Variants in GUCY2C observed in about 807,000 individuals in gnomAD.
GUCY2C encodes the protein guanylate cyclase 2C, also known as guanylyl cyclase C.
A neutral mutation model predicts 131.1 loss-of-function variants in GUCY2C; 118 were observed. The observed-to-expected ratio is 0.90, with a 90% confidence interval of 0.78 to 1.05. GUCY2C has a LOEUF of 1.05. Among genes scored for constraint, GUCY2C ranks in the 50% least tolerant of loss-of-function variants. The pLI, the probability that GUCY2C is intolerant of heterozygous loss-of-function variation, is 0.00. For synonymous variants in GUCY2C, 452 were observed against 457.8 expected (o/e 0.99, Z 0.16); for missense variants, 1,161 against 1,304.4 (o/e 0.89, Z 1.69).
Position 14,686,166 on chromosome 12 carries a change from C to T in GUCY2C, c.390G>A (p.Gln130=), listed in dbSNP as rs776094438. 40 of 1,588,428 alleles carry T rather than the reference C, an allele frequency of 2.5e-5. No individual in the cohort carries two copies. The highest frequency in any genetic ancestry group is 3.1e-5 in the Non-Finnish European group (36 of 1,156,936). Reference sequence around the variant, plus strand: ...TTCACAGTAGTATTACTTACTACATCTGGAAGGTGGAGTATGTACATGAGG... The same window carrying T: ...TTCACAGTAGTATTACTTACTACATTTGGAAGGTGGAGTATGTACATGAGG... ...IGPSCTYSTF[Q]MYLDTELSYP... The change falls in exon 3 of 27, where the codon CAG becomes CAA. Residue 130 remains glutamine, a synonymous_variant. Transcript: ENST00000261170.
intron 10 of GUCY2C, among the ~76,000 whole-genome samples, chr12:14,667,886 G>A (rs1948013754): frequency 6.6e-6 from 1 of 150,672 alleles, no homozygotes; most frequent in Non-Finnish European, 1.5e-5. Flanking sequence ...ATAAGAAGCT[G>A]TACTTTTCTA....
In GUCY2C at chr12:14,672,876, C is replaced by CT; in HGVS notation, c.1166dup (p.Lys390GlufsTer9). The CT allele has an allele frequency of 6.3e-7, 1 of 1,579,488 alleles. No homozygotes were observed. The highest frequency in any genetic ancestry group is 1.7e-5 in the Admixed American group (1 of 59,866). ...TCTGATAAGCAGTGAGACATACTTT[C>CT]TTGGTGTCCACAGAGGTATACAGAA... is the stretch of plus-strand genomic sequence containing the variant. On this transcript the variant is annotated frameshift_variant, in exon 9 of 27. Coordinates refer to ENST00000261170, the MANE Select transcript of GUCY2C (RefSeq NM_004963.4). LOFTEE classifies it high-confidence loss of function.
chr12:14,681,346 G>A lies in GUCY2C; in HGVS notation c.733+10C>T. On this transcript the variant is annotated intron_variant, in intron 5 of 26. Transcript: ENST00000261170. Reference sequence around the variant, plus strand: ...GTTAGCAAAAAACAATTATCTTCATGTCTTCTTACCATTGCTTTTCCTGTT... The same window carrying A: ...GTTAGCAAAAAACAATTATCTTCATATCTTCTTACCATTGCTTTTCCTGTT... 6.2e-7 allele frequency: 1 copy of A among 1,610,912 alleles called. No homozygotes were observed. Among genetic ancestry groups the A allele is most frequent in the Non-Finnish European group, 8.5e-7 (1 of 1,177,816 alleles).
chr12:14,616,852 T>A (rs1478826727), intron 24 of GUCY2C, 125 bp from the exon 25 acceptor site: 2 of 679,260 alleles, frequency 2.9e-6, no homozygotes, highest in Non-Finnish European at 5.4e-6. Context: ...ATTGTGGCTA[T>A]TTTAATGAAA....
At chr12:14,643,811 A>T in intron 16 of GUCY2C, 105 bp from the exon 17 acceptor site, 1 of 940,878 alleles carries the variant, frequency 1.1e-6, no homozygotes, top group Non-Finnish European at 1.6e-6. Flanking sequence ...GCAGATGGTC[A>T]CACCATCAGA....
intron 19 of GUCY2C, among the ~76,000 whole-genome samples, chr12:14,629,405 C>T (rs1947095925): frequency 6.6e-6 from 1 of 152,182 alleles, no homozygotes; most frequent in African/African-American, 2.4e-5. Flanking sequence ...AGTAAACTTA[C>T]TGAGGCTCCA....
intron 19 of GUCY2C, among the ~76,000 whole-genome samples, chr12:14,634,899 A>G (rs1364751738): frequency 6.6e-6 from 1 of 152,218 alleles, no homozygotes; most frequent in African/African-American, 2.4e-5. Flanking sequence ...AAAGGACTCA[A>G]TTCAGCAAGA....
intron 20 of GUCY2C, among the ~76,000 whole-genome samples, chr12:14,626,772 G>A (rs1399127108): frequency 6.6e-6 from 1 of 152,100 alleles, no homozygotes; most frequent in African/African-American, 2.4e-5. Flanking sequence ...TTATAAAATA[G>A]CAAAAATTAT....
rs1391928303 is a variant in GUCY2C, at chr12:14,613,334, T to C, written c.3048-43A>G. 1 of 1,412,788 alleles carries C rather than the reference T, an allele frequency of 7.1e-7. No individual in the cohort carries two copies. The highest frequency in any genetic ancestry group is 2.3e-5 in the East Asian group (1 of 43,978). The allele number at this position is 1,412,788 out of a possible 1,614,324, so 87.5% of individuals were successfully genotyped here. ...AGAGAAAATAGAACTTCTCAGCAAT[T>C]CATACAGAATATTCCTTAGCTCCAG... On this transcript the variant is annotated intron_variant, in intron 26 of 26. Transcript: ENST00000261170. This position sits in a 1 kb window ranked among gnomAD's most constrained non-coding sequence, Gnocchi z 4.9.
intron 1 of GUCY2C, among the ~76,000 whole-genome samples, chr12:14,693,601 C>T (rs1948610756): frequency 6.6e-6 from 1 of 152,196 alleles, no homozygotes; most frequent in South Asian, 2.1e-4. Context: ...ATGTTTAGAA[C>T]ATGAGCTATC....
intron 11 of GUCY2C, among the ~76,000 whole-genome samples, chr12:14,660,070 T>A (rs1947837004): frequency 6.6e-6 from 1 of 152,182 alleles, no homozygotes; most frequent in Non-Finnish European, 1.5e-5. Context: ...AGCGGTGTTG[T>A]CAGATTGAAG....
intron 9 of GUCY2C, among the ~76,000 whole-genome samples, chr12:14,671,259 T>A (rs1270098658): frequency 6.6e-6 from 1 of 152,146 alleles, no homozygotes; most frequent in East Asian, 1.9e-4. Context: ...TGTCTCAGCC[T>A]CCCAAGTAGC....
chr12:14,662,434 G>T (rs977062216), intron 10 of GUCY2C, among the ~76,000 whole-genome samples: 4 of 151,878 alleles, frequency 2.6e-5, no homozygotes, highest in Admixed American at 6.6e-5. Flanking sequence ...CCAGCACTTT[G>T]GGGGGGCTGA....
Position 14,641,213 on chromosome 12 carries a change from C to T in GUCY2C, c.1937G>A (p.Trp646Ter). The T allele has an allele frequency of 6.2e-7, 1 of 1,613,178 alleles. No individual in the cohort carries two copies. Residue 646 changes from tryptophan to a stop codon, truncating the protein, a stop_gained, in exon 18 of 27, where the codon TGG (tryptophan) becomes TAG (stop). Transcript: ENST00000261170. LOFTEE classifies it high-confidence loss of function. Reference sequence around the variant, plus strand: ...TTGGCGGAGGTGCTCTGGAGCTGTCCACAGGTCTGTAAATGTAGACATTGA... The same window carrying T: ...TTGGCGGAGGTGCTCTGGAGCTGTCTACAGGTCTGTAAATGTAGACATTGA... ...NSILPPKKDL[W>*]TAPEHLRQAN...
intron 24 of GUCY2C, 116 bp from the exon 25 acceptor site, chr12:14,616,843 T>C (rs973709434): frequency 2.0e-5 from 14 of 699,022 alleles, no homozygotes; most frequent in South Asian, 1.7e-4. Flanking sequence ...GAAGAAACAA[T>C]TGTGGCTATT....
intron 15 of GUCY2C, among the ~76,000 whole-genome samples, chr12:14,645,607 C>T (rs1947504413): frequency 6.6e-6 from 1 of 152,224 alleles, no homozygotes; most frequent in African/African-American, 2.4e-5. Flanking sequence ...GACTGCTTAA[C>T]AAGTGACTGC....
At chr12:14,674,942 G>A (rs997256101) in intron 7 of GUCY2C, among the ~76,000 whole-genome samples, 182 bp from the exon 8 acceptor site, 5 of 152,030 alleles carry the variant, frequency 3.3e-5, no homozygotes, top group African/African-American at 1.2e-4. Flanking sequence ...GGGTGAGGTG[G>A]ATCATGTCTG....
At chr12:14,683,290 T>A in intron 3 of GUCY2C, 33 bp from the exon 4 acceptor site, 1 of 1,387,650 alleles carries the variant, frequency 7.2e-7, no homozygotes, top group East Asian at 2.3e-5. Flanking sequence ...AAAGCCATTA[T>A]CAGTATTAAC....
At chr12:14,670,690 G>C (rs1948087627) in intron 9 of GUCY2C, among the ~76,000 whole-genome samples, 1 of 151,658 alleles carries the variant, frequency 6.6e-6, no homozygotes, top group Non-Finnish European at 1.5e-5. Context: ...TTTATAAGAG[G>C]TTTCCCCTTT....
Sources: allele counts gnomAD v4.1 joint callset (sites outside exome capture counted in the v4.1 genomes callset), GRCh38; gene constraint gnomAD v4.1.1; non-coding constraint Gnocchi (gnomAD v3.1); transcripts MANE v1.5; gene names NCBI Gene and HGNC (gene_info 2026-07-23, HGNC 2026-07-21).